PLCE1: variants seen among roughly 807,000 people sequenced by gnomAD.
PLCE1 encodes the protein 1-phosphatidylinositol 4,5-bisphosphate phosphodiesterase epsilon-1.
A neutral mutation model predicts 242.8 loss-of-function variants in PLCE1; 119 were observed. The observed-to-expected ratio is 0.49, with a 90% confidence interval of 0.42 to 0.57. The LOEUF (loss-of-function observed/expected upper bound fraction) is 0.57. Ranked by LOEUF, PLCE1 falls within the 20% of genes least tolerant of loss-of-function variation. The pLI is 0.00. For synonymous variants in PLCE1, 945 were observed against 1,017.4 expected (o/e 0.93, Z 1.35); for missense variants, 2,441 against 2,788.8 (o/e 0.88, Z 2.81).
chr10:94,005,514 A>T (rs940076760), intron 1 of PLCE1, among the ~76,000 whole-genome samples: 1 of 152,192 alleles, frequency 6.6e-6, no homozygotes, highest in Non-Finnish European at 1.5e-5. Context: ...ACTTCTCAGC[A>T]TCTTTACCAA....
rs1349683566 is a variant in PLCE1, at chr10:94,316,728, G to C, written c.6314G>C (p.Gly2105Ala). 1.9e-6 allele frequency: 3 copies of C among 1,613,808 alleles called. No individual in the cohort carries two copies. Among genetic ancestry groups the C allele is most frequent in the Non-Finnish European group, 2.5e-6 (3 of 1,179,866 alleles). Residue 2105 changes from glycine to alanine, a missense_variant, in exon 29 of 33, where the codon GGC (glycine) becomes GCC (alanine). Transcript: ENST00000371380. ...TGGTTTCCAGAAGAGGGATACATGG[G>C]CAGGATTGTCTTAAAAACCCAGCAG... ...SSWFPEEGYM[G>A]RIVLKTQQEN...
At chr10:94,192,441 G>A (rs1439353680) in intron 4 of PLCE1, among the ~76,000 whole-genome samples, 1 of 152,166 alleles carries the variant, frequency 6.6e-6, no homozygotes, top group Non-Finnish European at 1.5e-5. Flanking sequence ...AGAACATGCA[G>A]TATTTGGTTT....
intron 2 of PLCE1, among the ~76,000 whole-genome samples, chr10:94,051,758 C>T (rs771871175): frequency 4.6e-5 from 7 of 152,214 alleles, no homozygotes; most frequent in Non-Finnish European, 1.0e-4. Flanking sequence ...TAAAATTGAA[C>T]AGTGACAAGC....
At chr10:94,253,582 A>G (rs2050958618) in intron 9 of PLCE1, among the ~76,000 whole-genome samples, 1 of 152,186 alleles carries the variant, frequency 6.6e-6, no homozygotes, top group African/African-American at 2.4e-5. Context: ...CTCGAACTCC[A>G]GGCCTTAAGT....
intron 3 of PLCE1, chr10:94,137,930 A>G: frequency 2.6e-6 from 1 of 386,920 alleles, no homozygotes; most frequent in South Asian, 2.5e-5. Context: ...GGAGATGACC[A>G]AGTACCACAG....
At chr10:94,221,973 C>T (rs1163377439) in intron 4 of PLCE1, among the ~76,000 whole-genome samples, 2 of 152,114 alleles carry the variant, frequency 1.3e-5, no homozygotes, top group South Asian at 2.1e-4. Context: ...CAGGCCTTTT[C>T]CCAAATATAA....
rs543647335 is a variant in PLCE1, at chr10:94,312,198, T to A, written c.6004-1056T>A. ...AATTATACTTCAGTAAAACTGATTT[T>A]AAAAAAATCACATTGTGCAAGCATA... On this transcript the variant is annotated intron_variant, in intron 27 of 32. Transcript: ENST00000371380. Among the ~76,000 whole-genome samples the A allele has an allele frequency of 8.5e-5, 13 of 152,282 alleles. No individual in the cohort carries two copies. In the South Asian group the frequency reaches 1.9e-3, roughly 22 times the overall value.
rs181648939 is a variant in PLCE1 at position 94,020,828 on chromosome 10, G to A, written c.-364-9855G>A. 3.9e-4 allele frequency among the ~76,000 whole-genome samples: 60 copies of A among 151,920 alleles called. No homozygotes were observed. The East Asian group carries it at 0.01, about 26-fold the overall frequency. On this transcript the variant is annotated intron_variant, in intron 1 of 32. Transcript: ENST00000371380. The stretch of plus-strand genomic sequence containing the variant: ...TTGAGCAGTAATAGTTTTTTTTATT[G>A]TTGTTTTGTTTCTGTTTTTGAGACA...
chr10:94,310,941 A>G lies in PLCE1; in HGVS notation c.6003+2242A>G, dbSNP rs559838763. 2.0e-5 allele frequency among the ~76,000 whole-genome samples: 3 copies of G among 152,284 alleles called. No homozygotes were observed. In the South Asian group the frequency reaches 6.2e-4, roughly 32 times the overall value. ...CACCAGGACTTCTGACCAAACAGCTATAAATTCAGGGGATCCATATAAATC... is the reference window on the plus strand; with the variant it reads ...CACCAGGACTTCTGACCAAACAGCTGTAAATTCAGGGGATCCATATAAATC... On this transcript the variant is annotated intron_variant, in intron 27 of 32. Coordinates refer to ENST00000371380, the MANE Select transcript of PLCE1 (RefSeq NM_016341.4).
chr10:94,118,194 A>C (rs2046192846), intron 2 of PLCE1, among the ~76,000 whole-genome samples: 1 of 152,126 alleles, frequency 6.6e-6, no homozygotes, highest in South Asian at 2.1e-4. Flanking sequence ...ATTTTCATTA[A>C]CTTTAGCATT....
At chr10:94,312,677 G>A (rs373679000) in intron 27 of PLCE1, among the ~76,000 whole-genome samples, 74 of 152,316 alleles carry the variant, frequency 4.9e-4, no homozygotes, top group African/African-American at 1.6e-3. Flanking sequence ...CCTTGGCAGG[G>A]ATAGTGTCCC....
At chr10:94,270,663 G>GTTGTT (rs976865597) in intron 18 of PLCE1, 61 bp downstream of exon 18, 26 of 1,035,058 alleles carry the variant, frequency 2.5e-5, no homozygotes, top group Middle Eastern at 4.2e-4. Flanking sequence ...TTGTCATTGG[G>GTTGTT]TTGTTTTGTT....
intron 7 of PLCE1, among the ~76,000 whole-genome samples, chr10:94,241,757 A>G (rs1028831525): frequency 1.4e-5 from 2 of 147,050 alleles, no homozygotes; most frequent in African/African-American, 2.5e-5. Flanking sequence ...ACTGCACTCC[A>G]GCCTGGGCAA....
At chr10:94,241,906 G>A (rs2050518629) in intron 7 of PLCE1, among the ~76,000 whole-genome samples, 1 of 152,146 alleles carries the variant, frequency 6.6e-6, no homozygotes, top group African/African-American at 2.4e-5. Flanking sequence ...TATTTAATGA[G>A]TGTACTTTAC....
At chr10:94,127,146 AC>A (rs1322834153) in intron 2 of PLCE1, among the ~76,000 whole-genome samples, 1 of 152,242 alleles carries the variant, frequency 6.6e-6, no homozygotes, top group African/African-American at 2.4e-5. Context: ...ATGGTTCCAA[AC>A]ACATCATCAT....
At chr10:94,115,300 G>A (rs1483990455) in intron 2 of PLCE1, among the ~76,000 whole-genome samples, 1 of 152,168 alleles carries the variant, frequency 6.6e-6, no homozygotes, top group African/African-American at 2.4e-5. Flanking sequence ...GGATGGCTGG[G>A]TCAAATGGTA....
intron 2 of PLCE1, among the ~76,000 whole-genome samples, chr10:94,124,576 A>G (rs765798235): frequency 2.0e-5 from 3 of 152,278 alleles, no homozygotes; most frequent in Non-Finnish European, 2.9e-5. Context: ...ACAATTACAC[A>G]GTACAGACTG....
At chr10:94,195,412 G>C (rs973173464) in intron 4 of PLCE1, among the ~76,000 whole-genome samples, 1 of 152,082 alleles carries the variant, frequency 6.6e-6, no homozygotes, top group Non-Finnish European at 1.5e-5. Context: ...CTCCAAACAA[G>C]AAAGAAGTCC....
At chr10:94,097,891 G>C (rs956150288) in intron 2 of PLCE1, among the ~76,000 whole-genome samples, 1 of 152,214 alleles carries the variant, frequency 6.6e-6, no homozygotes, top group Non-Finnish European at 1.5e-5. Context: ...GCCTGGCCTA[G>C]GGGTTGAAGG....
Sources: gnomAD v4.1 joint callset for allele counts (sites outside exome capture counted in the v4.1 genomes callset) on GRCh38, gnomAD v4.1.1 for gene constraint, MANE v1.5 for transcripts, NCBI Gene and HGNC (gene_info 2026-07-23, HGNC 2026-07-21) for gene names.